CALCRL: variants seen among roughly 807,000 people sequenced by gnomAD.
CALCRL encodes the protein calcitonin gene-related peptide type 1 receptor.
A neutral mutation model predicts 60.4 loss-of-function variants in CALCRL; 27 were observed. The observed-to-expected ratio is 0.45, with a 90% CI of 0.33 to 0.62. The LOEUF is 0.62. Among genes scored for constraint, CALCRL ranks in the 20% least tolerant of loss-of-function variants. The pLI, the probability that CALCRL is intolerant of heterozygous loss-of-function variation, is 0.03. For synonymous variants in CALCRL, 190 were observed against 182.6 expected (o/e 1.04, Z -0.33); for missense variants, 424 against 540.7 (o/e 0.78, Z 2.14).
At chr2:187,354,083 C>T (rs1686660990) in intron 12 of CALCRL, among the ~76,000 whole-genome samples, 1 of 151,912 alleles carries the variant, frequency 6.6e-6, no homozygotes. Context: ...TTTCCATTTA[C>T]TATAAGCAAA....
intron 4 of CALCRL, among the ~76,000 whole-genome samples, chr2:187,384,617 C>T (rs904648075): frequency 1.3e-5 from 2 of 152,146 alleles, no homozygotes; most frequent in African/African-American, 2.4e-5. Flanking sequence ...AATATTTGCT[C>T]CTAGACTTGA....
At chr2:187,399,627 A>G (rs1350835863) in intron 1 of CALCRL, among the ~76,000 whole-genome samples, 1 of 151,654 alleles carries the variant, frequency 6.6e-6, no homozygotes, top group Non-Finnish European at 1.5e-5. Flanking sequence ...GAATATACAA[A>G]TAAAGCTTAC....
At chr2:187,427,660 T>C (rs1170625164) in intron 1 of CALCRL, among the ~76,000 whole-genome samples, 1 of 152,138 alleles carries the variant, frequency 6.6e-6, no homozygotes, top group East Asian at 1.9e-4. Context: ...AAAAATCCAC[T>C]TAGAGTAGAG....
intron 1 of CALCRL, among the ~76,000 whole-genome samples, chr2:187,408,957 A>AT (rs1689246772): frequency 6.6e-6 from 1 of 152,194 alleles, no homozygotes; most frequent in African/African-American, 2.4e-5. Flanking sequence ...TAGCAATTAC[A>AT]TTTTAAAGGG....
At chr2:187,427,135 A>G (rs1278959395) in intron 1 of CALCRL, among the ~76,000 whole-genome samples, 1 of 152,128 alleles carries the variant, frequency 6.6e-6, no homozygotes, top group Admixed American at 6.6e-5. Context: ...GTAAAAGAGG[A>G]AAAGGAAGAT....
At chr2:187,446,981 A>G (rs1691220233) in intron 1 of CALCRL, among the ~76,000 whole-genome samples, 1 of 152,010 alleles carries the variant, frequency 6.6e-6, no homozygotes, top group South Asian at 2.1e-4. Context: ...CTTAAAAATC[A>G]TATCTATCAA....
chr2:187,417,875 T>A (rs1574301217), intron 1 of CALCRL, among the ~76,000 whole-genome samples: 1 of 152,214 alleles, frequency 6.6e-6, no homozygotes, highest in Non-Finnish European at 1.5e-5. Context: ...CAACAGTTAC[T>A]TGTTAATGTA....
chr2:187,348,541 A>G (rs865889314), intron 14 of CALCRL, among the ~76,000 whole-genome samples: 3 of 151,764 alleles, frequency 2.0e-5, no homozygotes, highest in Middle Eastern at 3.4e-3. Context: ...CTTAAATTCA[A>G]TTTGGAAGGA....
chr2:187,403,844 C>T (rs779217235), intron 1 of CALCRL, among the ~76,000 whole-genome samples: 5 of 151,838 alleles, frequency 3.3e-5, no homozygotes, highest in African/African-American at 1.2e-4. Flanking sequence ...ACTCCTCTGA[C>T]TAAGTCTGGG....
intron 1 of CALCRL, among the ~76,000 whole-genome samples, chr2:187,416,355 A>G (rs970367204): frequency 6.6e-6 from 1 of 152,178 alleles, no homozygotes; most frequent in African/African-American, 2.4e-5. Flanking sequence ...ATACAGAGTT[A>G]CCACGTCATA....
At chr2:187,378,092 G>A (rs1359902248) in intron 8 of CALCRL, among the ~76,000 whole-genome samples, 18 of 150,768 alleles carry the variant, frequency 1.2e-4, no homozygotes, top group Admixed American at 1.1e-3. Flanking sequence ...ACAAGAAAGA[G>A]AAGGAGGAGG....
chr2:187,436,936 CT>C (rs1690669293), intron 1 of CALCRL, among the ~76,000 whole-genome samples: 1 of 152,116 alleles, frequency 6.6e-6, no homozygotes, highest in Admixed American at 6.5e-5. Flanking sequence ...TCCCTCTGAT[CT>C]TTTAACTTGG....
At chr2:187,408,226 G>A (rs1476600401) in intron 1 of CALCRL, among the ~76,000 whole-genome samples, 2 of 151,856 alleles carry the variant, frequency 1.3e-5, no homozygotes, top group Admixed American at 6.6e-5. Flanking sequence ...AGATATACGT[G>A]AAACAAAATA....
intron 8 of CALCRL, among the ~76,000 whole-genome samples, chr2:187,363,808 T>C (rs181837514): frequency 6.6e-5 from 10 of 152,330 alleles, no homozygotes; most frequent in African/African-American, 2.4e-4. Context: ...TAATTCATTT[T>C]GCAAACATTG....
intron 1 of CALCRL, among the ~76,000 whole-genome samples, chr2:187,435,329 C>G (rs992601601): frequency 2.0e-5 from 3 of 152,108 alleles, no homozygotes; most frequent in Non-Finnish European, 4.4e-5. Context: ...GTCCTATACT[C>G]TTTCAAACAA....
intron 1 of CALCRL, chr2:187,441,916 T>C (rs560064809): frequency 4.0e-5 from 6 of 151,746 alleles, no homozygotes; most frequent in Admixed American, 1.3e-4. Flanking sequence ...CTGCAGATTG[T>C]ACTTACTGTA....
chr2:187,403,065 T>G (rs953635296), intron 1 of CALCRL, among the ~76,000 whole-genome samples: 3 of 151,672 alleles, frequency 2.0e-5, no homozygotes, highest in African/African-American at 7.3e-5. Context: ...CCAACCATGC[T>G]GGCACCCTAA....
intron 8 of CALCRL, among the ~76,000 whole-genome samples, chr2:187,376,229 T>C (rs995685468): frequency 4.6e-5 from 7 of 152,166 alleles, no homozygotes; most frequent in Non-Finnish European, 1.0e-4. Flanking sequence ...ACATTTTGTT[T>C]AGTTATATTC....
intron 1 of CALCRL, among the ~76,000 whole-genome samples, chr2:187,392,057 A>G (rs536761932): frequency 4.0e-4 from 61 of 152,278 alleles, no homozygotes; most frequent in African/African-American, 1.3e-3. Flanking sequence ...ACAAAAAAAC[A>G]TAAATCCTGA....
Sources: allele counts gnomAD v4.1 joint callset (sites outside exome capture counted in the v4.1 genomes callset), GRCh38; gene constraint gnomAD v4.1.1; transcripts MANE v1.5; gene names NCBI Gene and HGNC (gene_info 2026-07-23, HGNC 2026-07-21).